The following CHEK1 variants were observed in gnomAD, a reference collection of about 807,000 sequenced individuals.
CHEK1 encodes the protein serine/threonine-protein kinase Chk1.
Under a neutral mutation model 60.2 loss-of-function variants are expected in CHEK1, and 32 were observed. The ratio of observed to expected loss-of-function variants is 0.53; its 90% confidence interval spans 0.40 to 0.71. The LOEUF is 0.71. Among genes scored for constraint, CHEK1 ranks in the 30% least tolerant of loss-of-function variants. The pLI, the probability that CHEK1 is intolerant of heterozygous loss-of-function variation, is 0.00. For missense variants in CHEK1, 399 were observed against 564.6 expected, an observed-to-expected ratio of 0.71 and a Z score of 2.97; for synonymous variants, 179 against 187.2, an observed-to-expected ratio of 0.96 and a Z score of 0.36.
At chr11:125,646,369 A>G (rs1337681096) in intron 11 of CHEK1, among the ~76,000 whole-genome samples, 1 of 152,112 alleles carries the variant, frequency 6.6e-6, no homozygotes, top group Non-Finnish European at 1.5e-5. Context: ...TTATCCATTC[A>G]TCCACTCATG....
chr11:125,642,016 C>T (rs1325410621), intron 8 of CHEK1, among the ~76,000 whole-genome samples: 1 of 151,800 alleles, frequency 6.6e-6, no homozygotes, highest in African/African-American at 2.4e-5. Flanking sequence ...TGCTTTGCTC[C>T]CCCTTGGTCA....
At chr11:125,627,049 A>G (rs936191466) in intron 2 of CHEK1, among the ~76,000 whole-genome samples, 1 of 152,200 alleles carries the variant, frequency 6.6e-6, no homozygotes, top group African/African-American at 2.4e-5. Context: ...TATTGTTTCC[A>G]TGCCCACAAA....
chr11:125,627,249 A>G (rs1448464268), intron 2 of CHEK1, among the ~76,000 whole-genome samples: 2 of 152,170 alleles, frequency 1.3e-5, no homozygotes, highest in Admixed American at 6.5e-5. Context: ...TCTACCCCAT[A>G]GGAGCTTAGG....
Position 125,656,108 on chromosome 11 carries a change from A to T in CHEK1, c.*788A>T, listed in dbSNP as rs1048767326. ...GAGGGAAGGGAAGAGTAAGGAAGCT[A>T]TAAGAAAAATAGATCTGATTCTTTG... On this transcript the variant is annotated 3_prime_UTR_variant, in exon 13 of 13. Coordinates refer to ENST00000438015, the MANE Select transcript of CHEK1 (RefSeq NM_001114122.3). 4.7e-6 allele frequency: 1 copy of T among 211,130 alleles called. No homozygotes were observed. The highest frequency in any genetic ancestry group is 9.6e-6 in the Non-Finnish European group (1 of 104,236). 13.1% of individuals were successfully genotyped at this position (211,130 alleles called of 1,614,324 possible).
chr11:125,626,211 A>G, intron 1 of CHEK1, 199 bp downstream of exon 1: 1 of 586,498 alleles, frequency 1.7e-6, no homozygotes, highest in Non-Finnish European at 3.0e-6. Flanking sequence ...GGCAGGAGGG[A>G]CTAACCCGCT....
Position 125,656,837 on chromosome 11 carries a change from T to C in CHEK1, c.*1517T>C, listed in dbSNP as rs1423507722. The C allele has an allele frequency of 4.7e-6, 1 of 212,954 alleles. No individual in the cohort carries two copies. Among genetic ancestry groups the C allele is most frequent in the Non-Finnish European group, 9.5e-6 (1 of 105,252 alleles). 13.2% of individuals were successfully genotyped at this position (212,954 alleles called of 1,614,324 possible). On this transcript the variant is annotated 3_prime_UTR_variant, in exon 13 of 13. Transcript: ENST00000438015. Reference sequence around the variant, plus strand: ...TGACTTATCTAAAATAATAACCTCCTCTGTTTGCTGTGGGAATTTGTATAG... The same window carrying C: ...TGACTTATCTAAAATAATAACCTCCCCTGTTTGCTGTGGGAATTTGTATAG...
At chr11:125,626,871 A>G (rs1940636920) in intron 2 of CHEK1, 38 bp downstream of exon 2, 2 of 1,601,264 alleles carry the variant, frequency 1.2e-6, no homozygotes, top group Non-Finnish European at 1.7e-6. Context: ...TTCTGAGTGC[A>G]TATTCATTGT....
At chr11:125,672,497 G>A (rs1942239561) in intron 13 of CHEK1, 2 of 1,460,258 alleles carry the variant, frequency 1.4e-6, no homozygotes, top group Admixed American at 3.7e-5. Flanking sequence ...GATGTGGTCA[G>A]TTGTTGACTG....
At chr11:125,642,163 T>G (rs1255218451) in intron 8 of CHEK1, among the ~76,000 whole-genome samples, 1 of 152,240 alleles carries the variant, frequency 6.6e-6, no homozygotes, top group Non-Finnish European at 1.5e-5. Context: ...TTACTTTCTT[T>G]GGATATTGAC....
intron 8 of CHEK1, among the ~76,000 whole-genome samples, chr11:125,638,163 G>A (rs1355052007): frequency 1.3e-5 from 2 of 152,146 alleles, no homozygotes; most frequent in African/African-American, 4.8e-5. Flanking sequence ...GACCACTGGG[G>A]AGACCTCTGA....
downstream of CHEK1, chr11:125,678,275 C>T (rs370300247): frequency 2.5e-6 from 4 of 1,613,812 alleles, no homozygotes; most frequent in African/African-American, 4.0e-5. Flanking sequence ...AGCCAGAAAG[C>T]TCATTAGGCT....
intron 11 of CHEK1, among the ~76,000 whole-genome samples, chr11:125,650,380 T>C (rs1941670602): frequency 6.6e-6 from 1 of 152,074 alleles, no homozygotes; most frequent in African/African-American, 2.4e-5. Flanking sequence ...ATGTGGCAAC[T>C]CTAGAAAGTC....
At chr11:125,654,246 T>C (rs1206588359) in intron 12 of CHEK1, among the ~76,000 whole-genome samples, 3 of 152,034 alleles carry the variant, frequency 2.0e-5, no homozygotes, top group Non-Finnish European at 4.4e-5. Flanking sequence ...AGGAGAATCA[T>C]TTGAACCTGG....
In CHEK1 at chr11:125,656,043, A is replaced by G. The variant is rs1941893972; in HGVS notation, c.*723A>G. 1 of 211,972 alleles carries G rather than the reference A, an allele frequency of 4.7e-6. No individual in the cohort carries two copies. The allele number at this position is 211,972 out of a possible 1,614,324, so 13.1% of individuals were successfully genotyped here. On this transcript the variant is annotated 3_prime_UTR_variant, in exon 13 of 13. Coordinates refer to ENST00000438015, the MANE Select transcript of CHEK1 (RefSeq NM_001114122.3). ...TCATAGCCATATTTTAACCTTTTCA[A>G]CTTACTGGTGACCAAGCTTTTAGGT... is the stretch of plus-strand genomic sequence containing the variant.
Position 125,655,379 on chromosome 11 carries a change from C to A in CHEK1, c.*59C>A. On this transcript the variant is annotated 3_prime_UTR_variant, in exon 13 of 13. Transcript: ENST00000438015. ...ATAGTGCTGCTATGTTGACATTATT[C>A]TTCCTAGAGAAGATTATCCTGTCCT... The A allele has an allele frequency of 8.1e-7, 1 of 1,229,482 alleles. No homozygotes were observed. Among genetic ancestry groups the A allele is most frequent in the South Asian group, 1.3e-5 (1 of 78,184 alleles). The allele number at this position is 1,229,482 out of a possible 1,614,324, so 76.2% of individuals were successfully genotyped here.
downstream of CHEK1, among the ~76,000 whole-genome samples, chr11:125,679,216 C>CTTTT (rs71045115): frequency 3.4e-4 from 41 of 121,034 alleles, no homozygotes; most frequent in African/African-American, 8.5e-4. Context: ...CCGTCTCTTT[C>CTTTT]TTTTTTTTTT....
At position 125,652,594 on chromosome 11, in the gene CHEK1, T is replaced by C. The variant is rs3731474; in HGVS notation, c.1234-1152T>C. Among the ~76,000 whole-genome samples the C allele has an allele frequency of 8.8e-3, 1,343 of 152,238 alleles. 21 individuals carry two copies. Among genetic ancestry groups the C allele is most frequent in the African/African-American group, 0.029 (1,195 of 41,520 alleles). ...CTGCACCCCTGTTGATAGATTGGGT[T>C]GGGGACACACATACCCACTGGGAGA... is the stretch of plus-strand genomic sequence containing the variant. On this transcript the variant is annotated intron_variant, in intron 11 of 12. Coordinates refer to ENST00000438015, the MANE Select transcript of CHEK1 (RefSeq NM_001114122.3).
Position 125,635,514 on chromosome 11 carries a change from A to AGGT in CHEK1, c.699_700insGGT (p.Lys233_Ile234insGly). 6.2e-7 allele frequency: 1 copy of AGGT among 1,605,076 alleles called. No homozygotes were observed. The highest frequency in any genetic ancestry group is 8.5e-7 in the Non-Finnish European group (1 of 1,176,160). On this transcript the variant is annotated inframe_insertion, in exon 7 of 13. Coordinates refer to ENST00000438015, the MANE Select transcript of CHEK1 (RefSeq NM_001114122.3). The stretch of plus-strand genomic sequence containing the variant: ...AAACATACCTCAACCCTTGGAAAAA[A>AGGT]ATCGATTCTGCTCCTCTAGGTAACT...
chr11:125,678,005 T>C (rs1301504847), downstream of CHEK1: 2 of 1,614,078 alleles, frequency 1.2e-6, no homozygotes, highest in Non-Finnish European at 1.7e-6. Context: ...GCTGTTCTCC[T>C]GAAGGCTGCT....
Sources: gnomAD v4.1 joint callset for allele counts (sites outside exome capture counted in the v4.1 genomes callset) on GRCh38, gnomAD v4.1.1 for gene constraint, MANE v1.5 for transcripts, NCBI Gene and HGNC (gene_info 2026-07-23, HGNC 2026-07-21) for gene names.